The following ZNF385D variants were observed in gnomAD, a reference collection of about 807,000 sequenced individuals.
ZNF385D encodes the protein zinc finger protein 659.
Under a neutral mutation model 35.8 loss-of-function variants are expected in ZNF385D, and 15 were observed. The ratio of observed to expected loss-of-function variants is 0.42; its 90% CI spans 0.28 to 0.64. The LOEUF is 0.64. ZNF385D is among the 30% of genes least tolerant of loss of function. ZNF385D has a pLI of 0.23. For missense variants in ZNF385D, 474 were observed against 494.6 expected (o/e 0.96, Z 0.39); for synonymous variants, 212 against 186.8 (o/e 1.13, Z -1.10).
At chr3:22,182,342 C>T (rs1576458184) in intron 2 of ZNF385D, among the ~76,000 whole-genome samples, 2 of 152,140 alleles carry the variant, frequency 1.3e-5, no homozygotes, top group East Asian at 1.9e-4. Flanking sequence ...TTAAATATCC[C>T]AGCTGTATCC....
At chr3:21,602,307 G>A (rs1005459316) in intron 2 of ZNF385D, among the ~76,000 whole-genome samples, 12 of 151,916 alleles carry the variant, frequency 7.9e-5, no homozygotes, top group Non-Finnish European at 1.3e-4. Flanking sequence ...ATATCAGAAC[G>A]TGACTATCTT....
At chr3:21,983,413 T>A (rs1394715537) in intron 3 of ZNF385D, among the ~76,000 whole-genome samples, 2 of 103,488 alleles carry the variant, frequency 1.9e-5, no homozygotes, top group East Asian at 2.7e-4. Context: ...GAATATGCGG[T>A]GTTTGGTTTT....
chr3:22,183,423 T>C (rs1695415813), intron 2 of ZNF385D, among the ~76,000 whole-genome samples: 1 of 152,144 alleles, frequency 6.6e-6, no homozygotes, highest in African/African-American at 2.4e-5. Context: ...AGTGGTGCAA[T>C]CTTGGCTCAC....
chr3:21,590,594 C>T (rs1159511063), intron 2 of ZNF385D, among the ~76,000 whole-genome samples: 4 of 151,824 alleles, frequency 2.6e-5, no homozygotes, highest in African/African-American at 4.8e-5. Context: ...ATTTTCATCC[C>T]GAAAAATGGC....
At chr3:21,651,569 G>A (rs1388333760) in intron 2 of ZNF385D, among the ~76,000 whole-genome samples, 3 of 149,794 alleles carry the variant, frequency 2.0e-5, no homozygotes, top group African/African-American at 7.4e-5. Context: ...GGTGAAGAAT[G>A]GTTTCTCAAA....
At chr3:21,989,818 T>C (rs1265257253) in intron 3 of ZNF385D, among the ~76,000 whole-genome samples, 1 of 152,226 alleles carries the variant, frequency 6.6e-6, no homozygotes, top group East Asian at 1.9e-4. Context: ...TACTATCTTT[T>C]TTGGCACAAG....
At chr3:22,292,439 T>G (rs1702347039) in intron 2 of ZNF385D, among the ~76,000 whole-genome samples, 1 of 152,058 alleles carries the variant, frequency 6.6e-6, no homozygotes, top group Non-Finnish European at 1.5e-5. Context: ...CTTTAATTAG[T>G]TTTTGTTTTC....
intron 2 of ZNF385D, among the ~76,000 whole-genome samples, chr3:22,200,715 A>G (rs1696730331): frequency 6.6e-6 from 1 of 152,122 alleles, no homozygotes; most frequent in South Asian, 2.1e-4. Context: ...TACAGTCTAC[A>G]GGCCATAAAA....
intron 3 of ZNF385D, among the ~76,000 whole-genome samples, chr3:21,953,776 C>T (rs1008927289): frequency 5.9e-5 from 9 of 151,950 alleles, no homozygotes. Flanking sequence ...TTTACTTAGG[C>T]TTGCACAAAG....
intron 3 of ZNF385D, among the ~76,000 whole-genome samples, chr3:21,797,617 G>A (rs1033614789): frequency 6.6e-6 from 1 of 152,164 alleles, no homozygotes; most frequent in Non-Finnish European, 1.5e-5. Flanking sequence ...TAGGTGAATA[G>A]ATAAATAAAC....
chr3:21,602,398 T>C (rs769132861), intron 2 of ZNF385D, among the ~76,000 whole-genome samples: 2 of 151,640 alleles, frequency 1.3e-5, no homozygotes, highest in African/African-American at 4.8e-5. Context: ...AAATAATAAA[T>C]GAATGGGCAC....
intron 2 of ZNF385D, among the ~76,000 whole-genome samples, chr3:22,329,302 A>G (rs1057013321): frequency 2.6e-5 from 4 of 152,068 alleles, no homozygotes; most frequent in South Asian, 2.1e-4. Context: ...GTTTGGTACA[A>G]TATTTTTAGG....
intron 4 of ZNF385D, among the ~76,000 whole-genome samples, chr3:21,494,169 C>T (rs1379158272): frequency 6.6e-6 from 1 of 152,136 alleles, no homozygotes; most frequent in African/African-American, 2.4e-5. Flanking sequence ...CAGAGCTTTT[C>T]TTTCTGGCAA....
rs1491074758 is a variant in ZNF385D, at chr3:21,949,552, TTC to T, written c.325+219263_325+219264del. ...TATTTTCTTTCCTTCTTTTCTTTCTTTCTTTTTTTTTTTTTTTTAATACTTTT... is the reference window on the plus strand; with the variant it reads ...TATTTTCTTTCCTTCTTTTCTTTCTTTTTTTTTTTTTTTTTTAATACTTTT... On this transcript the variant is annotated intron_variant, in intron 3 of 5. Coordinates refer to the ZNF385D transcript ENST00000494108. Among the ~76,000 whole-genome samples, 713 of 102,644 alleles carry T rather than the reference TTC, an allele frequency of 6.9e-3. 12 individuals are homozygous for T. The highest frequency in any genetic ancestry group is 0.016 in the African/African-American group (421 of 26,028). The allele number at this position is 102,644 out of a possible 152,430, so 67.3% of individuals were successfully genotyped here. A position where few individuals can be genotyped will look rare whatever the true frequency, so the allele number is the denominator to read the frequency against.
chr3:21,745,133 T>G (rs965242954), intron 1 of ZNF385D, among the ~76,000 whole-genome samples: 3 of 152,174 alleles, frequency 2.0e-5, no homozygotes, highest in Non-Finnish European at 4.4e-5. Context: ...CCTGCCCCCA[T>G]AGCACCCATC....
At chr3:21,855,252 G>T (rs3901603) in intron 3 of ZNF385D, among the ~76,000 whole-genome samples, 30,735 of 151,724 alleles carry the variant, frequency 0.2, 3,282 homozygotes, top group Admixed American at 0.26. Context: ...TTTCCCTTAA[G>T]AATTTTTTAG....
chr3:21,573,137 T>G (rs1395418558), intron 2 of ZNF385D, among the ~76,000 whole-genome samples: 1 of 152,084 alleles, frequency 6.6e-6, no homozygotes, highest in Non-Finnish European at 1.5e-5. Context: ...AATAAATATG[T>G]TTAAACAAAC....
intron 3 of ZNF385D, among the ~76,000 whole-genome samples, chr3:21,533,265 G>A (rs761663600): frequency 6.6e-6 from 1 of 152,082 alleles, no homozygotes. Context: ...TTGGCCCGTC[G>A]AATGAACTGC....
chr3:22,182,340 C>G (rs958085682), intron 2 of ZNF385D, among the ~76,000 whole-genome samples: 13 of 152,018 alleles, frequency 8.6e-5, no homozygotes, highest in African/African-American at 3.1e-4. Flanking sequence ...AATTAAATAT[C>G]CCAGCTGTAT....
Sources: gnomAD v4.1 joint callset for allele counts (sites outside exome capture counted in the v4.1 genomes callset) on GRCh38, gnomAD v4.1.1 for gene constraint, MANE v1.5 for transcripts, NCBI Gene and HGNC (gene_info 2026-07-23, HGNC 2026-07-21) for gene names.